The following NR5A1 variants were observed in gnomAD, a reference collection of about 807,000 sequenced individuals.
The protein encoded by NR5A1 is nuclear receptor subfamily 5 group A member 1.
NR5A1 carries 6 observed loss-of-function variants against 42.7 expected under a neutral mutation model. The ratio of observed to expected loss-of-function variants is 0.14; its 90% CI spans 0.08 to 0.28. The LOEUF is 0.28. Among genes scored for constraint, NR5A1 ranks in the 10% least tolerant of loss-of-function variants. The pLI, the probability that NR5A1 is intolerant of heterozygous loss-of-function variation, is 1.00. For missense variants in NR5A1, 442 were observed against 626.4 expected (o/e 0.71, Z 3.14); for synonymous variants, 274 against 277.5 (o/e 0.99, Z 0.12).
chr9:124,496,763 G>T lies in NR5A1; in HGVS notation c.870+3327C>A, dbSNP rs1384256398. ...ATCTGGGCAGTTAAATCTGCTGTCA[G>T]TGGGGGCCTCGGAGCTGGATGTTGA... On this transcript the variant is annotated intron_variant, in intron 4 of 6. Transcript: ENST00000373588. The surrounding 1 kb of genome is among the most constrained non-coding windows in gnomAD (Gnocchi z 5.0). Among the ~76,000 whole-genome samples the T allele has an allele frequency of 6.6e-6, 1 of 152,208 alleles. No homozygotes were observed. Among genetic ancestry groups the T allele is most frequent in the Non-Finnish European group, 1.5e-5 (1 of 68,036 alleles).
intron 6 of NR5A1, among the ~76,000 whole-genome samples, chr9:124,483,578 C>T (rs1308764524): frequency 6.6e-6 from 1 of 152,210 alleles, no homozygotes; most frequent in African/African-American, 2.4e-5. Context: ...GAGCTGCTCT[C>T]ACCGCCGTCA....
intron 1 of NR5A1, among the ~76,000 whole-genome samples, chr9:124,505,086 G>T (rs1210975825): frequency 1.3e-5 from 2 of 151,922 alleles, no homozygotes; most frequent in Non-Finnish European, 2.9e-5. Context: ...GGCCCGCGCC[G>T]GCACCCTCTC....
At position 124,503,233 on chromosome 9, in the gene NR5A1, A is replaced by G. The variant is rs1463182647; in HGVS notation, c.103-13T>C. On this transcript the variant is annotated splice_polypyrimidine_tract_variant and intron_variant, in intron 2 of 6. Transcript: ENST00000373588. The surrounding 1 kb of genome is among the most constrained non-coding windows in gnomAD (Gnocchi z 9.6). ...GCTTGAAGAAGCCCTGCGGGAGCTG[A>G]GAGTCAGCGAGGCCCCGCAGCGCCC... 1 of 1,603,824 alleles carries G rather than the reference A, an allele frequency of 6.2e-7. No homozygotes were observed. Among genetic ancestry groups the G allele is most frequent in the Non-Finnish European group, 8.5e-7 (1 of 1,175,928 alleles).
intron 6 of NR5A1, among the ~76,000 whole-genome samples, chr9:124,485,815 C>A (rs1030639968): frequency 5.9e-5 from 9 of 152,196 alleles, no homozygotes; most frequent in Non-Finnish European, 1.3e-4. Flanking sequence ...TAGCTGAGCT[C>A]CTGCTGGCCC....
rs761998023 is a variant in NR5A1, at chr9:124,500,193, G to T, written c.767C>A (p.Pro256His). The T allele has an allele frequency of 6.2e-7, 1 of 1,610,298 alleles. No homozygotes were observed. The highest frequency in any genetic ancestry group is 8.5e-7 in the Non-Finnish European group (1 of 1,178,212). Reference protein sequence around the residue: ...GCLQEPTKSRPDQPAAFGLLC... With the variant: ...GCLQEPTKSRHDQPAAFGLLC... ...GAGGCCGAAGGCCGCCGGCTGGTCG[G>T]GGCGGCTTTTGGTGGGCTCCTGCAG... Residue 256 changes from proline (P) to histidine (H), a missense_variant, in exon 4 of 7, where the codon CCC becomes CAC. Pro to His is a moderately conservative substitution (Grantham distance 77). Around this residue, in one of 3 missense-constraint regions of NR5A1, gnomAD observed 208 missense variants for 203.8 expected, o/e 1.02. Coordinates refer to ENST00000373588, the MANE Select transcript of NR5A1 (RefSeq NM_004959.5). The surrounding 1 kb of genome is among the most constrained non-coding windows in gnomAD (Gnocchi z 6.9).
chr9:124,496,179 A>G lies in NR5A1; in HGVS notation c.871-3030T>C, dbSNP rs1489059011. 2.0e-5 allele frequency among the ~76,000 whole-genome samples: 3 copies of G among 147,322 alleles called. No homozygotes were observed. The highest frequency in any genetic ancestry group is 4.4e-5 in the Non-Finnish European group (3 of 67,938). On this transcript the variant is annotated intron_variant, in intron 4 of 6. Coordinates refer to ENST00000373588, the MANE Select transcript of NR5A1 (RefSeq NM_004959.5). This position sits in a 1 kb window ranked among gnomAD's most constrained non-coding sequence, Gnocchi z 5.0. Reference sequence around the variant, plus strand: ...CCAAAACACTCCCCACACAGATGAGAATGCGCACACACACACACACACACA... The same window carrying G: ...CCAAAACACTCCCCACACAGATGAGGATGCGCACACACACACACACACACA...
chr9:124,503,194 G>A lies in NR5A1; in HGVS notation c.129C>T (p.Asn43=), dbSNP rs757161347. The part of the protein sequence containing the change: ...CKGFFKRTVQ[N]NKHYTCTESQ... ...TCTCGGTGCACGTGTAGTGCTTGTTGTTCTGCACCGTGCGCTTGAAGAAGC... is the reference window on the plus strand; with the variant it reads ...TCTCGGTGCACGTGTAGTGCTTGTTATTCTGCACCGTGCGCTTGAAGAAGC... The change falls in exon 3 of 7, where the codon AAC becomes AAT. Residue 43 remains asparagine (N), a synonymous_variant. Transcript: ENST00000373588. The surrounding 1 kb of genome is among the most constrained non-coding windows in gnomAD (Gnocchi z 9.6). The A allele has an allele frequency of 4.4e-6, 7 of 1,603,910 alleles. No individual in the cohort carries two copies. The highest frequency in any genetic ancestry group is 2.2e-5 in the South Asian group (2 of 89,372).
chr9:124,483,363 C>A (rs528510738), intron 6 of NR5A1, among the ~76,000 whole-genome samples: 10 of 152,358 alleles, frequency 6.6e-5, no homozygotes, highest in Non-Finnish European at 1.5e-5. Context: ...CATCACCAGC[C>A]TCCCTCGGGG....
chr9:124,502,044 C>A (rs538107319), intron 3 of NR5A1, among the ~76,000 whole-genome samples: 3 of 152,118 alleles, frequency 2.0e-5, no homozygotes, highest in South Asian at 2.1e-4. Flanking sequence ...AAGAACATGA[C>A]GGGAAGGAAT....
At chr9:124,497,533 G>C (rs1157061241) in intron 4 of NR5A1, among the ~76,000 whole-genome samples, 1 of 152,184 alleles carries the variant, frequency 6.6e-6, no homozygotes, top group Non-Finnish European at 1.5e-5. Flanking sequence ...TGGCACCCCT[G>C]AGAGCTCAGC....
chr9:124,491,039 C>CCCCCCCCCT, intron 6 of NR5A1, 42 bp downstream of exon 6: 2 of 1,496,962 alleles, frequency 1.3e-6, no homozygotes, highest in South Asian at 1.2e-5. Context: ...ACCCACCCGC[C>CCCCCCCCCT]TCTGGCTGTC....
Position 124,491,417 on chromosome 9 carries a change from C to T in NR5A1, c.991-189G>A, listed in dbSNP as rs150625271. Among the ~76,000 whole-genome samples, 275 of 152,228 alleles carry T rather than the reference C, an allele frequency of 1.8e-3. 3 individuals are homozygous for T. The East Asian group carries it at 0.026, about 15-fold the overall frequency. ...ATCTGCACAGCCCCGGGGACGCTGC[C>T]GGGCCCACCCTTCCGAGCTCTCCTC... On this transcript the variant is annotated intron_variant, in intron 5 of 6. Coordinates refer to ENST00000373588, the MANE Select transcript of NR5A1 (RefSeq NM_004959.5).
intron 6 of NR5A1, 38 bp downstream of exon 6, chr9:124,491,043 G>A: frequency 4.4e-6 from 2 of 450,932 alleles, no homozygotes; most frequent in East Asian, 7.7e-5. Context: ...ACCCGCCTCT[G>A]GCTGTCTCCA....
intron 5 of NR5A1, 62 bp from the exon 6 acceptor site, chr9:124,491,290 T>C: frequency 7.5e-7 from 1 of 1,339,542 alleles, no homozygotes; most frequent in Non-Finnish European, 1.0e-6. Flanking sequence ...CAGGTGGCTC[T>C]CTGATGGGGG....
Position 124,482,820 on chromosome 9 carries a change from G to A in NR5A1, c.1324C>T (p.Leu442=), listed in dbSNP as rs1301280207. 2 of 1,611,404 alleles carry A rather than the reference G, an allele frequency of 1.2e-6. No homozygotes were observed. Among genetic ancestry groups the A allele is most frequent in the Middle Eastern group, 1.7e-4 (1 of 6,044 alleles). ...TTGTTGCGGGGCATCTCGTTGCCCA[G>A]GTGCTTGTGGTACAGGTACTCCTTG... is the stretch of plus-strand genomic sequence containing the variant. ...QAKEYLYHKH[L]GNEMPRNNLL... The change falls in exon 7 of 7, where the codon CTG becomes TTG. Residue 442 remains leucine (L), a synonymous_variant. Transcript: ENST00000373588.
chr9:124,505,402 TG>T (rs1220199362), intron 1 of NR5A1, among the ~76,000 whole-genome samples: 1 of 151,996 alleles, frequency 6.6e-6, no homozygotes, highest in African/African-American at 2.4e-5. Context: ...GATTCTCCCA[TG>T]GGGCCCACCA....
rs141943040 is a variant in NR5A1, at chr9:124,494,235, T to C, written c.871-1086A>G. 1.6e-4 allele frequency among the ~76,000 whole-genome samples: 23 copies of C among 147,974 alleles called. No homozygotes were observed. The East Asian group carries it at 4.4e-3, about 29-fold the overall frequency. On this transcript the variant is annotated intron_variant, in intron 4 of 6. Coordinates refer to ENST00000373588, the MANE Select transcript of NR5A1 (RefSeq NM_004959.5). ...CCATGACAGCTGACAGTCATTCCAC[T>C]GCAGCCCTACAGCCCTGCGAGTTTC... is the stretch of plus-strand genomic sequence containing the variant.
At chr9:124,497,076 C>G (rs568926755) in intron 4 of NR5A1, among the ~76,000 whole-genome samples, 8 of 152,218 alleles carry the variant, frequency 5.3e-5, no homozygotes, top group African/African-American at 1.9e-4. Context: ...GCTGCCTCCC[C>G]GCCAAGGCCT....
At chr9:124,504,232 A>G (rs1832516503) in intron 1 of NR5A1, among the ~76,000 whole-genome samples, 1 of 151,962 alleles carries the variant, frequency 6.6e-6, no homozygotes, top group Non-Finnish European at 1.5e-5. Flanking sequence ...CCGGGGAGCT[A>G]CAGAAACACG....
Sources: allele counts gnomAD v4.1 joint callset (sites outside exome capture counted in the v4.1 genomes callset), GRCh38; gene constraint gnomAD v4.1.1; regional missense constraint gnomAD v4.1.1; non-coding constraint Gnocchi (gnomAD v3.1); transcripts MANE v1.5; gene names NCBI Gene and HGNC (gene_info 2026-07-23, HGNC 2026-07-21).